Variants in BICC1 observed in about 807,000 individuals in gnomAD.
BICC1 encodes BicC family RNA binding protein 1.
Under a neutral mutation model 111.0 loss-of-function variants are expected in BICC1, and 43 were observed. The ratio of observed to expected loss-of-function variants is 0.39; its 90% CI spans 0.30 to 0.50. BICC1 has a LOEUF of 0.50. Ranked by LOEUF, BICC1 falls within the 20% of genes least tolerant of loss-of-function variation. The pLI, the probability that BICC1 is intolerant of heterozygous loss-of-function variation, is 0.88. For missense variants in BICC1, 1,091 were observed against 1,203.2 expected, an observed-to-expected ratio of 0.91 and a Z score of 1.38; for synonymous variants, 467 against 434.4, an observed-to-expected ratio of 1.07 and a Z score of -0.93.
intron 11 of BICC1, 112 bp downstream of exon 11, chr10:58,798,672 A>G: frequency 4.1e-6 from 4 of 979,664 alleles, no homozygotes; most frequent in Non-Finnish European, 4.3e-6. Context: ...GGTTCAAAGC[A>G]TACTCCATTG....
At chr10:58,572,940 G>T (rs1437454780) in intron 1 of BICC1, among the ~76,000 whole-genome samples, 1 of 152,090 alleles carries the variant, frequency 6.6e-6, no homozygotes, top group Non-Finnish European at 1.5e-5. Flanking sequence ...TTATTATGTT[G>T]TTATGTGATA....
At chr10:58,571,395 A>T (rs1843946603) in intron 1 of BICC1, among the ~76,000 whole-genome samples, 2 of 151,946 alleles carry the variant, frequency 1.3e-5, no homozygotes, top group Non-Finnish European at 2.9e-5. Context: ...ACATAGGTAA[A>T]CATGTGCCAT....
At chr10:58,531,392 A>G (rs538407876) in intron 1 of BICC1, among the ~76,000 whole-genome samples, 1 of 151,928 alleles carries the variant, frequency 6.6e-6, no homozygotes, top group South Asian at 2.1e-4. Flanking sequence ...ATCTCTGTAA[A>G]AGGTTTGAGA....
intron 3 of BICC1, among the ~76,000 whole-genome samples, chr10:58,750,269 A>T (rs1841949196): frequency 6.6e-6 from 1 of 152,126 alleles, no homozygotes; most frequent in South Asian, 2.1e-4. Flanking sequence ...TGGCCAGTTG[A>T]AAGTTTTATA....
Position 58,702,083 on chromosome 10 carries a change from G to A in BICC1, c.247G>A (p.Glu83Lys). Residue 83 changes from glutamate (E) to lysine (K), a missense_variant, in exon 3 of 21, where the codon GAA becomes AAA. Around this residue, in one of 3 missense-constraint regions of BICC1, gnomAD observed 843 missense variants for 900.8 expected, o/e 0.94. Transcript: ENST00000373886. ...TCAATTTTTGTTACAGATCATGGAG[G>A]AAACAAATACGCAGATTGCTTGGCC... The part of the protein sequence containing the change: ...GEDFFQKIME[E>K]TNTQIAWPSK... 6.2e-7 allele frequency: 1 copy of A among 1,612,284 alleles called. No individual in the cohort carries two copies. Among genetic ancestry groups the A allele is most frequent in the East Asian group, 2.2e-5 (1 of 44,740 alleles).
At chr10:58,737,331 G>A (rs1169212730) in intron 3 of BICC1, among the ~76,000 whole-genome samples, 2 of 152,078 alleles carry the variant, frequency 1.3e-5, no homozygotes, top group African/African-American at 4.8e-5. Flanking sequence ...CCCCACCTAT[G>A]AGTGAGAACA....
chr10:58,720,654 C>T (rs1286882345), intron 3 of BICC1, among the ~76,000 whole-genome samples: 2 of 152,114 alleles, frequency 1.3e-5, no homozygotes, highest in African/African-American at 4.8e-5. Flanking sequence ...TATTTGAAGA[C>T]TTGGTGGCCA....
At position 58,695,006 on chromosome 10, in the gene BICC1, C is replaced by T. The variant is rs1311731240; in HGVS notation, c.238-7068C>T. ...CTGGACTTTGCCACATATCTGTCTG[C>T]CATATAACCTTTTTGAATCCTAATT... is the stretch of plus-strand genomic sequence containing the variant. On this transcript the variant is annotated intron_variant, in intron 2 of 20. Transcript: ENST00000373886. Among the ~76,000 whole-genome samples the T allele has an allele frequency of 2.6e-5, 4 of 152,130 alleles. No homozygotes were observed. The South Asian group carries it at 8.3e-4, about 31-fold the overall frequency.
intron 20 of BICC1, among the ~76,000 whole-genome samples, chr10:58,821,476 T>C (rs1451135591): frequency 6.6e-6 from 1 of 152,158 alleles, no homozygotes; most frequent in African/African-American, 2.4e-5. Flanking sequence ...CATTTTATTT[T>C]AGCGGCATGT....
At position 58,601,018 on chromosome 10, in the gene BICC1, A is replaced by G. The variant is rs370607856; in HGVS notation, c.191-19837A>G. Among the ~76,000 whole-genome samples, 13 of 151,542 alleles carry G rather than the reference A, an allele frequency of 8.6e-5. No individual in the cohort carries two copies. In the East Asian group the frequency reaches 1.2e-3, roughly 14 times the overall value. ...CCCCTGTGTTGTTTAAGGGTCAACT[A>G]GAATCCTTTTTTTCTCACAAATGGA... is the stretch of plus-strand genomic sequence containing the variant. On this transcript the variant is annotated intron_variant, in intron 1 of 20. Transcript: ENST00000373886.
At chr10:58,580,584 T>TATATA (rs1844253721) in intron 1 of BICC1, among the ~76,000 whole-genome samples, 1 of 152,228 alleles carries the variant, frequency 6.6e-6, no homozygotes, top group Non-Finnish European at 1.5e-5. Flanking sequence ...ATTCAACCTG[T>TATATA]ATATAATACA....
At chr10:58,591,444 A>G (rs1844615624) in intron 1 of BICC1, among the ~76,000 whole-genome samples, 1 of 152,136 alleles carries the variant, frequency 6.6e-6, no homozygotes, top group Non-Finnish European at 1.5e-5. Flanking sequence ...CTGGCCTTCA[A>G]AGATGTGCCT....
chr10:58,613,158 G>A (rs1294419508), intron 1 of BICC1, among the ~76,000 whole-genome samples: 3 of 152,146 alleles, frequency 2.0e-5, no homozygotes. Flanking sequence ...AGCCAGCCAC[G>A]TTTCAGTAGT....
intron 3 of BICC1, among the ~76,000 whole-genome samples, chr10:58,775,800 G>T (rs1842735005): frequency 6.6e-6 from 1 of 152,184 alleles, no homozygotes; most frequent in Admixed American, 6.5e-5. Flanking sequence ...CATTTTGCAA[G>T]TGATAATTTT....
At chr10:58,779,236 A>G (rs991412769) in intron 3 of BICC1, among the ~76,000 whole-genome samples, 4 of 152,242 alleles carry the variant, frequency 2.6e-5, no homozygotes, top group African/African-American at 9.6e-5. Flanking sequence ...TCATCAAAAT[A>G]GAAGCCATAT....
intron 1 of BICC1, among the ~76,000 whole-genome samples, chr10:58,526,910 C>G (rs935388048): frequency 1.3e-5 from 2 of 152,144 alleles, no homozygotes; most frequent in African/African-American, 4.8e-5. Flanking sequence ...ATCTTTATAG[C>G]AGCATGATTT....
intron 2 of BICC1, among the ~76,000 whole-genome samples, chr10:58,690,974 T>C (rs1487881940): frequency 3.3e-5 from 5 of 152,320 alleles, no homozygotes; most frequent in African/African-American, 9.6e-5. Flanking sequence ...TTTAGTTTCA[T>C]TTTTTAAAAA....
At chr10:58,775,723 G>T (rs1404834343) in intron 3 of BICC1, among the ~76,000 whole-genome samples, 15 of 152,146 alleles carry the variant, frequency 9.9e-5, no homozygotes, top group Admixed American at 9.8e-4. Context: ...GTGGCTTCAT[G>T]AAAAAACTAT....
At chr10:58,671,176 T>C (rs182599296) in intron 2 of BICC1, among the ~76,000 whole-genome samples, 1 of 152,332 alleles carries the variant, frequency 6.6e-6, no homozygotes, top group Non-Finnish European at 1.5e-5. Context: ...AACCTTCTTA[T>C]ATTAGTTGGG....
Sources: allele counts gnomAD v4.1 joint callset (sites outside exome capture counted in the v4.1 genomes callset), GRCh38; gene constraint gnomAD v4.1.1; regional missense constraint gnomAD v4.1.1; transcripts MANE v1.5; gene names NCBI Gene and HGNC (gene_info 2026-07-23, HGNC 2026-07-21).